Variants in PTPRC observed in about 807,000 individuals in gnomAD.
PTPRC encodes the protein protein tyrosine phosphatase receptor type C, also known as receptor-type tyrosine-protein phosphatase C.
A neutral mutation model predicts 155.9 loss-of-function variants in PTPRC; 44 were observed. That is an observed-to-expected ratio of 0.28 (90% CI 0.22 to 0.36). The LOEUF (loss-of-function observed/expected upper bound fraction) is 0.36. Among genes scored for constraint, PTPRC ranks in the 10% least tolerant of loss-of-function variants. The pLI is 1.00. For synonymous variants in PTPRC, 525 were observed against 533.1 expected, an observed-to-expected ratio of 0.98 and a Z score of 0.21; for missense variants, 1,401 against 1,564.6, an observed-to-expected ratio of 0.90 and a Z score of 1.76.
At chr1:198,697,188 C>T (rs1459919717) in intron 4 of PTPRC, among the ~76,000 whole-genome samples, 3 of 152,144 alleles carry the variant, frequency 2.0e-5, no homozygotes, top group African/African-American at 4.8e-5. Context: ...TCTATACACA[C>T]TCGCCATGAT....
intron 28 of PTPRC, chr1:198,750,253 T>C (rs563692423): frequency 3.9e-5 from 20 of 509,020 alleles, no homozygotes; most frequent in African/African-American, 3.5e-4. Context: ...GAAAGGAAAA[T>C]TTGTTTCGCA....
intron 2 of PTPRC, among the ~76,000 whole-genome samples, chr1:198,652,875 G>C (rs530586947): frequency 3.3e-5 from 5 of 151,916 alleles, no homozygotes; most frequent in Admixed American, 6.6e-5. Flanking sequence ...AGGGCGGCTC[G>C]ATGGTGTGGA....
chr1:198,704,383 A>G (rs1666619389), intron 7 of PTPRC, 89 bp from the exon 8 acceptor site: 13 of 1,592,300 alleles, frequency 8.2e-6, no homozygotes, highest in Non-Finnish European at 1.1e-5. Context: ...TATGAAGTAG[A>G]AGTATTGTAA....
chr1:198,720,454 C>T (rs1246073030), intron 14 of PTPRC, among the ~76,000 whole-genome samples: 7 of 152,066 alleles, frequency 4.6e-5, no homozygotes, highest in African/African-American at 1.4e-4. Context: ...CTCAGCCTCC[C>T]AAGAAGCTGG....
intron 2 of PTPRC, among the ~76,000 whole-genome samples, chr1:198,681,058 T>C (rs1223922575): frequency 6.6e-6 from 1 of 152,194 alleles, no homozygotes; most frequent in Non-Finnish European, 1.5e-5. Context: ...TAGTAGGTAT[T>C]CGGTAAATGT....
At position 198,729,109 on chromosome 1, in the gene PTPRC, T is replaced by C. The variant is rs555905400; in HGVS notation, c.1830-28T>C. 11 of 1,608,650 alleles carry C rather than the reference T, an allele frequency of 6.8e-6. No individual in the cohort carries two copies. The African/African-American group carries it at 8.0e-5, about 12-fold the overall frequency. On this transcript the variant is annotated intron_variant, in intron 16 of 32. Coordinates refer to ENST00000442510, the MANE Select transcript of PTPRC (RefSeq NM_002838.5). The stretch of plus-strand genomic sequence containing the variant: ...TTGAATTTTGTGCTTCTTGAGAATA[T>C]AGAAACTTATTTTTCCTATTTTCAC...
chr1:198,734,108 G>A, intron 20 of PTPRC, 88 bp from the exon 21 acceptor site: 1 of 1,260,256 alleles, frequency 7.9e-7, no homozygotes, highest in Non-Finnish European at 1.1e-6. Context: ...TGATGGATCT[G>A]AAGCAATTCC....
chr1:198,715,447 C>T (rs1397219249), intron 12 of PTPRC, among the ~76,000 whole-genome samples: 1 of 151,788 alleles, frequency 6.6e-6, no homozygotes, highest in East Asian at 1.9e-4. Context: ...TGGAGAACTG[C>T]AGTTTTATCT....
At chr1:198,712,130 T>C (rs1173299326) in intron 11 of PTPRC, among the ~76,000 whole-genome samples, 1 of 152,220 alleles carries the variant, frequency 6.6e-6, no homozygotes, top group Non-Finnish European at 1.5e-5. Flanking sequence ...GTGGTGTATC[T>C]TTACAATAAC....
Position 198,752,763 on chromosome 1 carries a change from T to G in PTPRC, c.3500T>G (p.Ile1167Ser). 1 of 1,612,540 alleles carries G rather than the reference T, an allele frequency of 6.2e-7. No individual in the cohort carries two copies. Among genetic ancestry groups the G allele is most frequent in the Non-Finnish European group, 8.5e-7 (1 of 1,179,146 alleles). Reference sequence around the variant, plus strand: ...CATCACAAGAGTACACCTCTACTCATTCACTGCAGGTGCGTGGGATTTGGT... The same window carrying G: ...CATCACAAGAGTACACCTCTACTCAGTCACTGCAGGTGCGTGGGATTTGGT... ...NKHHKSTPLL[I>S]HCRDGSQQTG... Residue 1167 changes from isoleucine (I) to serine (S), a missense_variant, in exon 31 of 33, where the codon ATT becomes AGT. Coordinates refer to ENST00000442510, the MANE Select transcript of PTPRC (RefSeq NM_002838.5).
intron 3 of PTPRC, chr1:198,694,548 A>G: frequency 1.0e-6 from 1 of 989,978 alleles, no homozygotes. Context: ...GTGAGAGTGG[A>G]CGATAAAGGG....
intron 32 of PTPRC, among the ~76,000 whole-genome samples, chr1:198,755,331 C>CTAAA (rs1172679655): frequency 6.6e-6 from 1 of 152,004 alleles, no homozygotes; most frequent in Non-Finnish European, 1.5e-5. Context: ...TAATTACTCA[C>CTAAA]TAAAATATAT....
chr1:198,682,916 T>C (rs545945369), intron 2 of PTPRC, among the ~76,000 whole-genome samples: 1 of 152,318 alleles, frequency 6.6e-6, no homozygotes, highest in East Asian at 1.9e-4. Context: ...CTGAATCCCA[T>C]TTTGATGGTT....
At position 198,756,048 on chromosome 1, in the gene PTPRC, A is replaced by C. The variant is rs1190861672; in HGVS notation, c.3788A>C (p.Asn1263Thr). The C allele has an allele frequency of 6.2e-6, 10 of 1,613,540 alleles. No homozygotes were observed. The highest frequency in any genetic ancestry group is 1.7e-5 in the Admixed American group (1 of 59,900). ...GTAAAGCAGGATGCTAATTGTGTTAATCCACTTGGTGCCCCAGAAAAGCTC... is the reference window on the plus strand; with the variant it reads ...GTAAAGCAGGATGCTAATTGTGTTACTCCACTTGGTGCCCCAGAAAAGCTC... Reference protein sequence around the residue: ...DKVKQDANCVNPLGAPEKLPE... With the variant: ...DKVKQDANCVTPLGAPEKLPE... The change falls in exon 33 of 33, where the codon AAT (asparagine) becomes ACT (threonine). Residue 1263 changes from asparagine (N) to threonine (T), a missense_variant. Transcript: ENST00000442510.
chr1:198,659,543 A>G (rs1663816865), intron 2 of PTPRC, among the ~76,000 whole-genome samples: 1 of 149,330 alleles, frequency 6.7e-6, no homozygotes, highest in Non-Finnish European at 1.5e-5. Context: ...GAATACATAT[A>G]TATTTTTTTT....
At chr1:198,640,695 A>T (rs1662529515) in intron 2 of PTPRC, among the ~76,000 whole-genome samples, 1 of 152,032 alleles carries the variant, frequency 6.6e-6, no homozygotes, top group Admixed American at 6.6e-5. Context: ...TTTCATTTAA[A>T]ATTCCCACTC....
intron 2 of PTPRC, among the ~76,000 whole-genome samples, chr1:198,642,736 T>A (rs1452969203): frequency 6.6e-6 from 1 of 151,934 alleles, no homozygotes; most frequent in Non-Finnish European, 1.5e-5. Flanking sequence ...ATCCTTTTTT[T>A]AATGTAATCT....
chr1:198,732,005 A>G (rs1654409940), intron 18 of PTPRC, among the ~76,000 whole-genome samples: 1 of 151,968 alleles, frequency 6.6e-6, no homozygotes, highest in Non-Finnish European at 1.5e-5. Flanking sequence ...TGTACTCTAG[A>G]TACTCATCCA....
chr1:198,717,020 T>C (rs1018202071), intron 13 of PTPRC, among the ~76,000 whole-genome samples, 180 bp downstream of exon 13: 1 of 152,222 alleles, frequency 6.6e-6, no homozygotes, highest in African/African-American at 2.4e-5. Context: ...CTGGATTCTC[T>C]CTCTTCTTCA....
Sources: gnomAD v4.1 joint callset for allele counts (sites outside exome capture counted in the v4.1 genomes callset) on GRCh38, gnomAD v4.1.1 for gene constraint, MANE v1.5 for transcripts, NCBI Gene and HGNC (gene_info 2026-07-23, HGNC 2026-07-21) for gene names.